WWOX: variants seen among roughly 807,000 people sequenced by gnomAD.
WWOX encodes the protein WW domain containing oxidoreductase, also known as WW domain-containing oxidoreductase.
A neutral mutation model predicts 46.2 loss-of-function variants in WWOX; 69 were observed. The observed-to-expected ratio is 1.49, with a 90% CI of 1.23 to 1.82. The LOEUF is 1.82. WWOX is among the 40% of genes most tolerant of loss of function. The pLI is 0.00. For synonymous variants in WWOX, 359 were observed against 202.6 expected, an observed-to-expected ratio of 1.77 and a Z score of -6.56; for missense variants, 919 against 542.6, an observed-to-expected ratio of 1.69 and a Z score of -6.89.
At chr16:78,574,076 G>T (rs549841254) in intron 8 of WWOX, among the ~76,000 whole-genome samples, 8 of 152,292 alleles carry the variant, frequency 5.3e-5, no homozygotes, top group African/African-American at 1.9e-4. Flanking sequence ...ACTCGGCCTG[G>T]CTTCTTGCTG....
At chr16:78,911,743 G>A (rs1030691399) in intron 8 of WWOX, among the ~76,000 whole-genome samples, 4 of 152,016 alleles carry the variant, frequency 2.6e-5, no homozygotes, top group Non-Finnish European at 5.9e-5. Flanking sequence ...GTGCGTACCT[G>A]TAATCTCAGC....
chr16:78,465,796 A>AT (rs920945749), intron 8 of WWOX, among the ~76,000 whole-genome samples: 5 of 152,016 alleles, frequency 3.3e-5, no homozygotes, highest in African/African-American at 9.6e-5. Flanking sequence ...GTGTTTCATG[A>AT]TTTTTTCTGA....
chr16:78,896,662 C>G (rs988804767), intron 8 of WWOX: 1 of 152,114 alleles, frequency 6.6e-6, no homozygotes, highest in Non-Finnish European at 1.5e-5. Flanking sequence ...TTAACCTTTT[C>G]AAGCATTTTT....
At chr16:78,297,640 T>A (rs2079963825) in intron 5 of WWOX, among the ~76,000 whole-genome samples, 1 of 152,172 alleles carries the variant, frequency 6.6e-6, no homozygotes, top group Non-Finnish European at 1.5e-5. Flanking sequence ...CCACCAAACA[T>A]AGATGACACA....
At chr16:79,028,846 A>G (rs1255500366) in intron 8 of WWOX, among the ~76,000 whole-genome samples, 1 of 151,704 alleles carries the variant, frequency 6.6e-6, no homozygotes, top group Non-Finnish European at 1.5e-5. Context: ...CTATATCACA[A>G]AAGCATTCTG....
At chr16:78,930,039 C>G (rs1281663957) in intron 8 of WWOX, among the ~76,000 whole-genome samples, 2 of 152,096 alleles carry the variant, frequency 1.3e-5, no homozygotes, top group Non-Finnish European at 2.9e-5. Context: ...CCCACATGGA[C>G]TTCTTGGGCG....
intron 5 of WWOX, among the ~76,000 whole-genome samples, chr16:78,298,364 T>G (rs2079976853): frequency 6.6e-6 from 1 of 152,160 alleles, no homozygotes; most frequent in East Asian, 1.9e-4. Flanking sequence ...GCAGAGTAGC[T>G]AAGACTTTGG....
intron 8 of WWOX, among the ~76,000 whole-genome samples, chr16:79,117,572 A>G (rs1193555834): frequency 6.6e-6 from 1 of 152,220 alleles, no homozygotes; most frequent in East Asian, 1.9e-4. Context: ...GAAGCCAGGC[A>G]TTGCCTTCTC....
At chr16:78,850,257 T>C (rs11643930) in intron 8 of WWOX, among the ~76,000 whole-genome samples, 46,673 of 151,912 alleles carry the variant, frequency 0.31, 7,410 homozygotes, top group African/African-American at 0.36. Context: ...ACAACAGCCA[T>C]GGTCAGTATT....
chr16:79,066,726 G>A (rs555367381), intron 8 of WWOX, among the ~76,000 whole-genome samples: 1 of 152,162 alleles, frequency 6.6e-6, no homozygotes, highest in African/African-American at 2.4e-5. Context: ...CCGCCTCAAG[G>A]GACCACCTGC....
At chr16:79,167,898 C>T (rs1429844822) in intron 8 of WWOX, among the ~76,000 whole-genome samples, 1 of 152,186 alleles carries the variant, frequency 6.6e-6, no homozygotes, top group Non-Finnish European at 1.5e-5. Flanking sequence ...ATCACTGCCC[C>T]ATTCCCTTCT....
At chr16:78,901,615 GTAAC>G (rs1284648429) in intron 8 of WWOX, among the ~76,000 whole-genome samples, 9 of 152,298 alleles carry the variant, frequency 5.9e-5, no homozygotes, top group Non-Finnish European at 1.5e-5. Flanking sequence ...AGCCTCCTGA[GTAAC>G]TAGGACCACA....
chr16:78,792,525 C>T (rs1020429446), intron 8 of WWOX, among the ~76,000 whole-genome samples: 11 of 152,092 alleles, frequency 7.2e-5, no homozygotes, highest in African/African-American at 2.2e-4. Flanking sequence ...CGGCAGAGGG[C>T]ATGGATAAGG....
At chr16:79,014,717 A>G (rs1161293713) in intron 8 of WWOX, among the ~76,000 whole-genome samples, 1 of 152,232 alleles carries the variant, frequency 6.6e-6, no homozygotes, top group Non-Finnish European at 1.5e-5. Flanking sequence ...AGGCATAGAA[A>G]TTGAGTCACT....
chr16:78,361,991 T>C (rs1219348620), intron 5 of WWOX, among the ~76,000 whole-genome samples: 2 of 151,340 alleles, frequency 1.3e-5, no homozygotes, highest in African/African-American at 4.9e-5. Context: ...TTTTGATTTA[T>C]TAATACCTCC....
At chr16:78,272,319 C>G (rs768075169) in intron 5 of WWOX, among the ~76,000 whole-genome samples, 4 of 152,226 alleles carry the variant, frequency 2.6e-5, no homozygotes, top group Admixed American at 6.5e-5. Flanking sequence ...CTGAGGGACT[C>G]TTACCCAGAG....
At chr16:78,898,960 A>C (rs1321816730) in intron 8 of WWOX, 1 of 152,124 alleles carries the variant, frequency 6.6e-6, no homozygotes, top group Admixed American at 6.5e-5. Flanking sequence ...AACTGCTCTC[A>C]TATCCTGTGA....
At chr16:78,894,966 A>G (rs1380989003) in intron 8 of WWOX, among the ~76,000 whole-genome samples, 1 of 152,090 alleles carries the variant, frequency 6.6e-6, no homozygotes, top group African/African-American at 2.4e-5. Context: ...CCCAGGATCC[A>G]CCTCCACAAC....
chr16:78,787,406 A>C (rs2050484421), intron 8 of WWOX, among the ~76,000 whole-genome samples: 1 of 152,132 alleles, frequency 6.6e-6, no homozygotes, highest in African/African-American at 2.4e-5. Flanking sequence ...TCTCATATAA[A>C]TGGAATCACA....
Sources: gnomAD v4.1 joint callset for allele counts (sites outside exome capture counted in the v4.1 genomes callset) on GRCh38, gnomAD v4.1.1 for gene constraint, MANE v1.5 for transcripts, NCBI Gene and HGNC (gene_info 2026-07-23, HGNC 2026-07-21) for gene names.